The following OSTM1 variants were observed in gnomAD, a reference collection of about 807,000 sequenced individuals.
OSTM1 encodes osteoclastogenesis associated transmembrane protein 1.
OSTM1 carries 26 observed loss-of-function variants against 35.4 expected under a neutral mutation model. The ratio of observed to expected loss-of-function variants is 0.73; its 90% CI spans 0.54 to 1.02. The LOEUF is 1.02. Ranked by LOEUF, OSTM1 falls within the 50% of genes least tolerant of loss-of-function variation. The pLI, the probability that OSTM1 is intolerant of heterozygous loss-of-function variation, is 0.00. For synonymous variants in OSTM1, 181 were observed against 165.0 expected (o/e 1.10, Z -0.75); for missense variants, 366 against 409.6 (o/e 0.89, Z 0.92).
At chr6:108,068,063 C>T (rs1307215602) in intron 1 of OSTM1, among the ~76,000 whole-genome samples, 7 of 152,144 alleles carry the variant, frequency 4.6e-5, no homozygotes, top group African/African-American at 1.4e-4. Flanking sequence ...GTCACCAATA[C>T]TGCCAGTGTT....
At chr6:108,066,409 T>C (rs1041689563) in intron 1 of OSTM1, among the ~76,000 whole-genome samples, 1 of 152,132 alleles carries the variant, frequency 6.6e-6, no homozygotes, top group Admixed American at 6.5e-5. Flanking sequence ...CTCTATGAAA[T>C]AGGTAGTGTT....
chr6:108,074,471 A>G lies in OSTM1; in HGVS notation c.181T>C (p.Ser61Pro). Reference sequence around the variant, plus strand: ...CCCAGCCCTCCACCCTGCAGGAGGGACAGGGACAAGTCCTCCACCTCCAGC... The same window carrying G: ...CCCAGCCCTCCACCCTGCAGGAGGGGCAGGGACAAGTCCTCCACCTCCAGC... ...QLLEVEDLSLSLLQGGGLGPL... is the reference protein window; with the variant it reads ...QLLEVEDLSLPLLQGGGLGPL... Residue 61 changes from serine (S) to proline (P), a missense_variant, in exon 1 of 6, where the codon TCC becomes CCC. Ser to Pro is a moderately conservative substitution (Grantham distance 74). This residue lies in a region of OSTM1 where 236 missense variants were observed against 239.3 expected (regional missense o/e 0.99). Transcript: ENST00000193322. 1 of 1,557,350 alleles carries G rather than the reference A, an allele frequency of 6.4e-7. No homozygotes were observed. The highest frequency in any genetic ancestry group is 1.9e-5 in the Admixed American group (1 of 51,712).
chr6:108,062,535 C>CTTTTTTT (rs780041339), intron 2 of OSTM1, among the ~76,000 whole-genome samples: 319 of 130,828 alleles, frequency 2.4e-3, no homozygotes, highest in East Asian at 3.8e-3. Flanking sequence ...CTTTTCTTTT[C>CTTTTTTT]TTTTTTTTTT....
At chr6:108,071,543 C>T (rs1209923687) in intron 1 of OSTM1, among the ~76,000 whole-genome samples, 1 of 147,900 alleles carries the variant, frequency 6.8e-6, no homozygotes, top group East Asian at 2.0e-4. Flanking sequence ...GAACTCCTGG[C>T]CTCAGGTGAT....
rs1331889090 is a variant in OSTM1 at position 108,042,417 on chromosome 6, T to TC, written c.*2367_*2368insG. On this transcript the variant is annotated 3_prime_UTR_variant, in exon 6 of 6. Transcript: ENST00000193322. Reference sequence around the variant, plus strand: ...GACAGACAGTACTTTCTTTTTTCTTTTTTTTTTTTTTTTTTTGAGACAAGG... The same window carrying TC: ...GACAGACAGTACTTTCTTTTTTCTTTCTTTTTTTTTTTTTTTTGAGACAAGG... 1 of 85,398 alleles carries TC rather than the reference T, an allele frequency of 1.2e-5. No individual in the cohort carries two copies. The highest frequency in any genetic ancestry group is 2.6e-5 in the Non-Finnish European group (1 of 38,534). The allele number at this position is 85,398 out of a possible 1,614,324, so 5.3% of individuals were successfully genotyped here. A position where few individuals can be genotyped will look rare whatever the true frequency, so the allele number is the denominator to read the frequency against.
chr6:108,065,278 C>T (rs1241845173), intron 1 of OSTM1, among the ~76,000 whole-genome samples: 3 of 146,784 alleles, frequency 2.0e-5, no homozygotes, highest in South Asian at 2.2e-4. Flanking sequence ...CTCACTCTAT[C>T]GCCCAGGCTG....
At chr6:108,066,509 T>C (rs1772379724) in intron 1 of OSTM1, among the ~76,000 whole-genome samples, 2 of 152,106 alleles carry the variant, frequency 1.3e-5, no homozygotes, top group Non-Finnish European at 2.9e-5. Context: ...GTCCTGTAAA[T>C]CAAGGAAAAG....
Position 108,051,080 on chromosome 6 carries a change from T to A in OSTM1, c.734A>T (p.Glu245Val), listed in dbSNP as rs1394011626. 1 of 1,613,860 alleles carries A rather than the reference T, an allele frequency of 6.2e-7. No individual in the cohort carries two copies. The highest frequency in any genetic ancestry group is 1.3e-5 in the African/African-American group (1 of 75,040). ...ATGTGTTCCAGGTTCAGCCTTATTCTCAAGTTCATTCATTTTTTGCATTTC... is the reference window on the plus strand; with the variant it reads ...ATGTGTTCCAGGTTCAGCCTTATTCACAAGTTCATTCATTTTTTGCATTTC... Reference protein sequence around the residue: ...YSEMQKMNELENKAEPGTHLC... With the variant: ...YSEMQKMNELVNKAEPGTHLC... Residue 245 changes from glutamate (E) to valine (V), a missense_variant, in exon 4 of 6, where the codon GAG (glutamate) becomes GTG (valine). Glu to Val is a moderately radical substitution (Grantham distance 121). Coordinates refer to ENST00000193322, the MANE Select transcript of OSTM1 (RefSeq NM_014028.4).
At chr6:108,056,792 T>A (rs115412584) in intron 2 of OSTM1, among the ~76,000 whole-genome samples, 1,553 of 152,274 alleles carry the variant, frequency 0.01, 26 homozygotes, top group African/African-American at 0.035. Flanking sequence ...ATACTCTACA[T>A]TCTCTGAAGC....
chr6:108,074,427 CG>C lies in OSTM1; in HGVS notation c.224del (p.Pro75ArgfsTer24). On this transcript the variant is annotated frameshift_variant, in exon 1 of 6. Coordinates refer to ENST00000193322, the MANE Select transcript of OSTM1 (RefSeq NM_014028.4). LOFTEE classifies it high-confidence loss of function. ...ACTCAGGATCCAGATCCGGCAGGTC[CG>C]GGGGCAGCGACAGAGGCCCCAGCCC... ...GGGLGPLSLP[P>X]DLPDLDPECR... is the part of the protein sequence containing the mutation. 3 of 1,561,440 alleles carry C rather than the reference CG, an allele frequency of 1.9e-6. No homozygotes were observed. The highest frequency in any genetic ancestry group is 8.7e-7 in the Non-Finnish European group (1 of 1,152,938).
chr6:108,062,427 T>C (rs1365592337), intron 2 of OSTM1, among the ~76,000 whole-genome samples: 8 of 152,212 alleles, frequency 5.3e-5, no homozygotes, highest in Admixed American at 5.2e-4. Flanking sequence ...CCATTTAATA[T>C]TTTTGGACTG....
chr6:108,060,830 G>A (rs1772259792), intron 2 of OSTM1: 1 of 152,160 alleles, frequency 6.6e-6, no homozygotes, highest in South Asian at 2.1e-4. Flanking sequence ...CTCATCTGAA[G>A]GTAGTGAGTT....
intron 5 of OSTM1, 126 bp downstream of exon 5, chr6:108,049,127 T>TA (rs1195217944): frequency 2.9e-6 from 2 of 679,210 alleles, no homozygotes; most frequent in Non-Finnish European, 5.1e-6. Context: ...TTGTAAAACT[T>TA]AAAGCAGAGA....
In OSTM1 at chr6:108,043,453, G is replaced by A. The variant is rs1344283570; in HGVS notation, c.*1332C>T. The A allele has an allele frequency of 6.6e-6, 1 of 152,126 alleles. No homozygotes were observed. Among genetic ancestry groups the A allele is most frequent in the African/African-American group, 2.4e-5 (1 of 41,428 alleles). The allele number at this position is 152,126 out of a possible 1,614,324, so 9.4% of individuals were successfully genotyped here. A position where few individuals can be genotyped will look rare whatever the true frequency, so the allele number is the denominator to read the frequency against. ...CCCTATAGAGCATTTTATAGTATAG[G>A]AAGGGATTCAAATTCTCTTTTTAAC... On this transcript the variant is annotated 3_prime_UTR_variant, in exon 6 of 6. Transcript: ENST00000193322.
chr6:108,059,285 A>AT (rs1772232260), intron 2 of OSTM1, among the ~76,000 whole-genome samples: 1 of 152,226 alleles, frequency 6.6e-6, no homozygotes, highest in Non-Finnish European at 1.5e-5. Context: ...TTTGGCAGTC[A>AT]TTCTCCATCA....
intron 1 of OSTM1, among the ~76,000 whole-genome samples, chr6:108,072,970 G>A (rs1258102196): frequency 2.0e-5 from 3 of 152,034 alleles, no homozygotes; most frequent in Non-Finnish European, 4.4e-5. Context: ...CACCACGCCC[G>A]GATAATTTTT....
chr6:108,065,256 T>C (rs1409150300), intron 1 of OSTM1, among the ~76,000 whole-genome samples: 1 of 149,024 alleles, frequency 6.7e-6, no homozygotes, highest in Non-Finnish European at 1.5e-5. Flanking sequence ...TTTTTTTTTT[T>C]TGAGATGGAG....
rs1367942846 is a variant in OSTM1, at chr6:108,074,233, C to A, written c.402+17G>T. On this transcript the variant is annotated intron_variant, in intron 1 of 5. Transcript: ENST00000193322. ...AACTCTCCTGAGCCACAGTCCCGGA[C>A]GTGGTCCTGTACCCACCCCCGCGGC... 1.2e-6 allele frequency: 2 copies of A among 1,610,778 alleles called. No homozygotes were observed. The highest frequency in any genetic ancestry group is 2.7e-5 in the African/African-American group (2 of 74,902).
Position 108,044,718 on chromosome 6 carries a change from T to G in OSTM1, c.*67A>C. 1.1e-6 allele frequency: 1 copy of G among 885,772 alleles called. No individual in the cohort carries two copies. Among genetic ancestry groups the G allele is most frequent in the Non-Finnish European group, 1.9e-6 (1 of 532,586 alleles). 54.9% of individuals were successfully genotyped at this position (885,772 alleles called of 1,614,324 possible). Reference sequence around the variant, plus strand: ...CTTGTCAAATCACAGTTTATCTTCTTTCTGAAACCAAGTTGTGTCTTCCAC... The same window carrying G: ...CTTGTCAAATCACAGTTTATCTTCTGTCTGAAACCAAGTTGTGTCTTCCAC... On this transcript the variant is annotated 3_prime_UTR_variant, in exon 6 of 6. Transcript: ENST00000193322.
Sources: gnomAD v4.1 joint callset for allele counts (sites outside exome capture counted in the v4.1 genomes callset) on GRCh38, gnomAD v4.1.1 for gene constraint, gnomAD v4.1.1 regional missense constraint, MANE v1.5 for transcripts, NCBI Gene and HGNC (gene_info 2026-07-23, HGNC 2026-07-21) for gene names.